PIK3C2G: variants seen among roughly 807,000 people sequenced by gnomAD.
The protein encoded by PIK3C2G is phosphatidylinositol-4-phosphate 3-kinase catalytic subunit type 2 gamma, also known as phosphatidylinositol 3-kinase C2 domain-containing subunit gamma.
PIK3C2G carries 168 observed loss-of-function variants against 181.1 expected under a neutral mutation model. The observed-to-expected ratio is 0.93, with a 90% CI of 0.82 to 1.05. PIK3C2G has a LOEUF of 1.05. PIK3C2G is among the 50% of genes least tolerant of loss of function. The probability of loss-of-function intolerance (pLI) is 0.00; values close to 1 mark genes in which losing one functional copy is unlikely to be tolerated. For synonymous variants in PIK3C2G, 573 were observed against 592.2 expected (o/e 0.97, Z 0.47); for missense variants, 1,869 against 1,732.8 (o/e 1.08, Z -1.40).
intron 31 of PIK3C2G, among the ~76,000 whole-genome samples, chr12:18,629,033 A>G (rs115432265): frequency 0.012 from 1,772 of 152,334 alleles, 38 homozygotes; most frequent in African/African-American, 0.04. Context: ...GAGCATTTAC[A>G]TATATTTGAC....
chr12:18,344,525 T>C (rs1939470596), intron 10 of PIK3C2G, among the ~76,000 whole-genome samples: 1 of 151,978 alleles, frequency 6.6e-6, no homozygotes, highest in African/African-American at 2.4e-5. Context: ...TAAGTGGTCG[T>C]ATGTGGAGTG....
intron 3 of PIK3C2G, among the ~76,000 whole-genome samples, chr12:18,288,640 T>C (rs747063482): frequency 1.5e-4 from 23 of 152,346 alleles, no homozygotes; most frequent in East Asian, 1.9e-4. Context: ...TGTGACAATA[T>C]GATAAGCATA....
the PIK3C2G span, among the ~76,000 whole-genome samples, chr12:18,688,376 T>C: frequency 6.6e-6 from 1 of 152,042 alleles, no homozygotes; most frequent in African/African-American, 2.4e-5. Flanking sequence ...AAAATTTAAG[T>C]CTTTTATCCT....
At chr12:18,415,754 T>C (rs550182355) in intron 16 of PIK3C2G, among the ~76,000 whole-genome samples, 1 of 152,320 alleles carries the variant, frequency 6.6e-6, no homozygotes, top group South Asian at 2.1e-4. Context: ...GACAGACTGA[T>C]AAGAAAGTGA....
At chr12:18,655,745 A>T in the PIK3C2G span, among the ~76,000 whole-genome samples, 1 of 45,642 alleles carries the variant, frequency 2.2e-5, no homozygotes, top group African/African-American at 6.6e-5. Context: ...CCCCAACCTT[A>T]TCATGAAAAA....
rs748224000 is a variant in PIK3C2G, at chr12:18,496,050, C to T, written c.2794-12C>T. ...TTTTGCTCACTAGTTTTCCCTTTTT[C>T]TTTTCCTATAGGCATGTTCATATTT... On this transcript the variant is annotated splice_polypyrimidine_tract_variant and intron_variant, in intron 20 of 32. Coordinates refer to ENST00000538779, the MANE Select transcript of PIK3C2G (RefSeq NM_001288772.2). 1.4e-6 allele frequency: 2 copies of T among 1,417,642 alleles called. No homozygotes were observed. Among genetic ancestry groups the T allele is most frequent in the Admixed American group, 2.6e-5 (1 of 38,128 alleles). 87.8% of individuals were successfully genotyped at this position (1,417,642 alleles called of 1,614,324 possible). A position where few individuals can be genotyped will look rare whatever the true frequency, so the allele number is the denominator to read the frequency against.
intron 13 of PIK3C2G, among the ~76,000 whole-genome samples, chr12:18,380,170 C>T (rs1942739130): frequency 6.6e-6 from 1 of 152,118 alleles, no homozygotes; most frequent in East Asian, 1.9e-4. Flanking sequence ...AGAGGAGAGG[C>T]AAACTGGGAC....
At chr12:18,250,485 G>A (rs907736329) in intron 1 of PIK3C2G, among the ~76,000 whole-genome samples, 5 of 152,068 alleles carry the variant, frequency 3.3e-5, no homozygotes, top group African/African-American at 1.2e-4. Flanking sequence ...GACATTTAGA[G>A]AAGCATTTCA....
At chr12:18,712,409 A>G in the PIK3C2G span, among the ~76,000 whole-genome samples, 1 of 152,176 alleles carries the variant, frequency 6.6e-6, no homozygotes, top group South Asian at 2.1e-4. Flanking sequence ...ATTTCTTACT[A>G]TATCAATAGC....
chr12:18,303,639 T>G (rs1205213293), intron 5 of PIK3C2G, among the ~76,000 whole-genome samples: 1 of 152,142 alleles, frequency 6.6e-6, no homozygotes, highest in Non-Finnish European at 1.5e-5. Flanking sequence ...AAGTAATTTC[T>G]TATCTCAAAA....
chr12:18,248,479 A>C (rs1437609073), intron 1 of PIK3C2G, among the ~76,000 whole-genome samples: 3 of 152,104 alleles, frequency 2.0e-5, no homozygotes, highest in Non-Finnish European at 4.4e-5. Context: ...AGGCTGAGGC[A>C]GGAGAATGGT....
the PIK3C2G span, among the ~76,000 whole-genome samples, chr12:18,653,569 T>C: frequency 3.3e-5 from 5 of 152,124 alleles, no homozygotes; most frequent in African/African-American, 4.8e-5. Flanking sequence ...CTTCACCAAA[T>C]TGTGTTCCTT....
rs1051175156 is a variant in PIK3C2G, at chr12:18,383,757, T to TA, written c.1995+1884dup. Among the ~76,000 whole-genome samples, 19 of 151,504 alleles carry TA rather than the reference T, an allele frequency of 1.3e-4. No homozygotes were observed. In the East Asian group the frequency reaches 3.1e-3, roughly 25 times the overall value. On this transcript the variant is annotated intron_variant, in intron 14 of 32. Transcript: ENST00000538779. ...TCCAGCAATGTTGTAGAAAATGCCT[T>TA]AAAAAAACAGGAAGATCGGATATGT... is the stretch of plus-strand genomic sequence containing the variant.
chr12:18,635,614 G>A (rs1949562457), intron 31 of PIK3C2G, among the ~76,000 whole-genome samples: 1 of 152,166 alleles, frequency 6.6e-6, no homozygotes, highest in Non-Finnish European at 1.5e-5. Flanking sequence ...AGGGCCTGTG[G>A]TGAAATTCAC....
chr12:18,557,725 G>A (rs1180341321), intron 26 of PIK3C2G, among the ~76,000 whole-genome samples: 1 of 151,976 alleles, frequency 6.6e-6, no homozygotes, highest in Non-Finnish European at 1.5e-5. Flanking sequence ...TGCATATGTT[G>A]TTAGAATTAA....
At chr12:18,475,235 T>C (rs1938858505) in intron 18 of PIK3C2G, among the ~76,000 whole-genome samples, 1 of 152,070 alleles carries the variant, frequency 6.6e-6, no homozygotes, top group Non-Finnish European at 1.5e-5. Flanking sequence ...TTTTAGAGTC[T>C]GACTTTTTTT....
intron 16 of PIK3C2G, among the ~76,000 whole-genome samples, chr12:18,404,829 T>C (rs1734499238): frequency 6.6e-6 from 1 of 152,104 alleles, no homozygotes; most frequent in African/African-American, 2.4e-5. Context: ...ATCAGATTTG[T>C]GTTATATGTG....
At chr12:18,465,749 T>C (rs561420985) in intron 18 of PIK3C2G, among the ~76,000 whole-genome samples, 1 of 151,940 alleles carries the variant, frequency 6.6e-6, no homozygotes, top group South Asian at 2.1e-4. Flanking sequence ...AATGTCAACT[T>C]GTTTTTATTT....
intron 9 of PIK3C2G, among the ~76,000 whole-genome samples, chr12:18,339,973 T>G (rs544771231): frequency 2.6e-5 from 4 of 152,240 alleles, no homozygotes; most frequent in African/African-American, 9.6e-5. Context: ...TGTGTTTATT[T>G]CCCTAAATTT....
Sources: gnomAD v4.1 joint callset for allele counts (sites outside exome capture counted in the v4.1 genomes callset) on GRCh38, gnomAD v4.1.1 for gene constraint, MANE v1.5 for transcripts, NCBI Gene and HGNC (gene_info 2026-07-23, HGNC 2026-07-21) for gene names.